CARMIL1: variants seen among roughly 807,000 people sequenced by gnomAD.
CARMIL1 encodes the protein F-actin-uncapping protein LRRC16A.
Under a neutral mutation model 177.1 loss-of-function variants are expected in CARMIL1, and 90 were observed. The ratio of observed to expected loss-of-function variants is 0.51; its 90% CI spans 0.43 to 0.61. The LOEUF (loss-of-function observed/expected upper bound fraction) is 0.61, where lower values mean the gene tolerates loss of function less well. CARMIL1 is among the 20% of genes least tolerant of loss of function. The pLI, the probability that CARMIL1 is intolerant of heterozygous loss-of-function variation, is 0.00. For missense variants in CARMIL1, 1,380 were observed against 1,667.0 expected (o/e 0.83, Z 3.00); for synonymous variants, 577 against 606.2 (o/e 0.95, Z 0.71).
chr6:25,345,618 T>A (rs1787426694), intron 2 of CARMIL1, among the ~76,000 whole-genome samples: 1 of 152,144 alleles, frequency 6.6e-6, no homozygotes, highest in Admixed American at 6.5e-5. Context: ...GTCATTCTTT[T>A]CTTTTATTTC....
chr6:25,546,233 A>T (rs1809451318), intron 26 of CARMIL1, among the ~76,000 whole-genome samples: 1 of 152,154 alleles, frequency 6.6e-6, no homozygotes, highest in Admixed American at 6.5e-5. Context: ...TTTATACTGA[A>T]GGTCTTAGCC....
chr6:25,384,945 T>C (rs1307633271), intron 2 of CARMIL1, among the ~76,000 whole-genome samples: 1 of 152,220 alleles, frequency 6.6e-6, no homozygotes, highest in Non-Finnish European at 1.5e-5. Context: ...CGCCCATCCA[T>C]TCATCTATCC....
chr6:25,539,492 G>A (rs770920743), intron 25 of CARMIL1, among the ~76,000 whole-genome samples: 3 of 151,938 alleles, frequency 2.0e-5, no homozygotes, highest in Non-Finnish European at 4.4e-5. Context: ...GGGCATGGTG[G>A]TATGTGCCTG....
chr6:25,471,452 C>T (rs776907628), intron 10 of CARMIL1, among the ~76,000 whole-genome samples, 195 bp downstream of exon 10: 9 of 151,768 alleles, frequency 5.9e-5, no homozygotes, highest in African/African-American at 1.5e-4. Context: ...CTCTTGATAA[C>T]GGTGTCACTT....
intron 11 of CARMIL1, among the ~76,000 whole-genome samples, chr6:25,474,041 G>A (rs1801303714): frequency 6.6e-6 from 1 of 151,888 alleles, no homozygotes; most frequent in Admixed American, 6.6e-5. Context: ...TTCATTTTCT[G>A]TTGCAAATGT....
intron 24 of CARMIL1, among the ~76,000 whole-genome samples, chr6:25,533,429 T>C (rs553088409): frequency 3.3e-5 from 5 of 152,230 alleles, no homozygotes; most frequent in Non-Finnish European, 7.3e-5. Flanking sequence ...ATCTGTTTAT[T>C]GGGGATGATG....
At chr6:25,342,171 C>T (rs1026344416) in intron 2 of CARMIL1, among the ~76,000 whole-genome samples, 5 of 152,128 alleles carry the variant, frequency 3.3e-5, no homozygotes, top group African/African-American at 7.2e-5. Context: ...GGGGGTGATT[C>T]GATCATTAAG....
chr6:25,339,417 A>G (rs1038822982), intron 2 of CARMIL1, among the ~76,000 whole-genome samples: 9 of 152,196 alleles, frequency 5.9e-5, no homozygotes, highest in Non-Finnish European at 1.0e-4. Context: ...AATGTAGCAC[A>G]GGGGAAGGAC....
At chr6:25,436,865 C>A (rs1412791590) in intron 5 of CARMIL1, among the ~76,000 whole-genome samples, 1 of 152,140 alleles carries the variant, frequency 6.6e-6, no homozygotes, top group East Asian at 1.9e-4. Flanking sequence ...TGAGCTGGGG[C>A]TGCCCTCTGA....
intron 35 of CARMIL1, among the ~76,000 whole-genome samples, chr6:25,607,282 T>G (rs1582512599): frequency 6.6e-6 from 1 of 152,082 alleles, no homozygotes; most frequent in Admixed American, 6.5e-5. Flanking sequence ...GGATAGGTAA[T>G]ATATGAAAGT....
chr6:25,311,537 G>T (rs1479804088), intron 2 of CARMIL1, among the ~76,000 whole-genome samples: 1 of 142,640 alleles, frequency 7.0e-6, no homozygotes, highest in Non-Finnish European at 1.5e-5. Flanking sequence ...AGGATATATA[G>T]AGCGGGGGAA....
Position 25,326,613 on chromosome 6 carries a change from A to T in CARMIL1, c.138+41704A>T, listed in dbSNP as rs531913239. Reference sequence around the variant, plus strand: ...TTCAAGTCTTATTATGGACTTGCTGATTCAGAACCTGGAGGTGGGACTCAG... The same window carrying T: ...TTCAAGTCTTATTATGGACTTGCTGTTTCAGAACCTGGAGGTGGGACTCAG... On this transcript the variant is annotated intron_variant, in intron 2 of 36. Transcript: ENST00000329474. This position sits in a 1 kb window ranked among gnomAD's most constrained non-coding sequence, Gnocchi z 4.2. Among the ~76,000 whole-genome samples the T allele has an allele frequency of 1.3e-5, 2 of 152,256 alleles. No individual in the cohort carries two copies. The highest frequency in any genetic ancestry group is 2.1e-4 in the South Asian group (1 of 4,818).
At chr6:25,611,717 A>C (rs936117112) in intron 36 of CARMIL1, among the ~76,000 whole-genome samples, 16 of 152,212 alleles carry the variant, frequency 1.1e-4, no homozygotes, top group African/African-American at 3.9e-4. Flanking sequence ...TGAATACAAA[A>C]ATCATTGTTT....
intron 2 of CARMIL1, among the ~76,000 whole-genome samples, chr6:25,362,693 A>AACAAT (rs1789347789): frequency 6.6e-6 from 1 of 151,964 alleles, no homozygotes; most frequent in Non-Finnish European, 1.5e-5. Flanking sequence ...AACAAAACAA[A>AACAAT]AAAACCACTA....
chr6:25,279,527 C>G lies in CARMIL1; in HGVS notation c.-269C>G. 1 of 542,916 alleles carries G rather than the reference C, an allele frequency of 1.8e-6. No homozygotes were observed. The highest frequency in any genetic ancestry group is 3.3e-6 in the Non-Finnish European group (1 of 301,412). 33.6% of individuals were successfully genotyped at this position (542,916 alleles called of 1,614,324 possible). ...CCCGCGCCCCGCGCCCGCTTGTAAT[C>G]CGGTCCGCTCCTTATTCAGCCGCCG... On this transcript the variant is annotated 5_prime_UTR_variant, in exon 1 of 37. The change creates a new upstream start codon in the 5' untranslated region. Transcript: ENST00000329474.
intron 23 of CARMIL1, among the ~76,000 whole-genome samples, chr6:25,526,566 C>A (rs1255226313): frequency 8.2e-6 from 1 of 122,492 alleles, no homozygotes; most frequent in Non-Finnish European, 1.7e-5. Flanking sequence ...TTTTTTTTTT[C>A]TTCTGAGACA....
intron 17 of CARMIL1, among the ~76,000 whole-genome samples, chr6:25,504,096 C>T (rs1804689162): frequency 6.6e-6 from 1 of 152,250 alleles, no homozygotes; most frequent in African/African-American, 2.4e-5. Flanking sequence ...TAATATAAAA[C>T]ATCTACTATA....
intron 2 of CARMIL1, among the ~76,000 whole-genome samples, chr6:25,310,343 G>A (rs1783694060): frequency 6.6e-6 from 1 of 152,218 alleles, no homozygotes; most frequent in Admixed American, 6.5e-5. Context: ...TATCCAAGCT[G>A]CGGCTTGAGA....
chr6:25,472,607 C>T lies in CARMIL1; in HGVS notation c.874+86C>T, dbSNP rs542734547. ...TTTAGCCATGCCTGAAGAGCTGTAT[C>T]AAGCTAAGTTGTAATTATAAGTGCT... On this transcript the variant is annotated intron_variant, in intron 11 of 36. Transcript: ENST00000329474. 4 of 1,092,742 alleles carry T rather than the reference C, an allele frequency of 3.7e-6. No homozygotes were observed. In the Admixed American group the frequency reaches 8.6e-5, roughly 23 times the overall value. The allele number at this position is 1,092,742 out of a possible 1,614,324, so 67.7% of individuals were successfully genotyped here.
Sources: gnomAD v4.1 joint callset for allele counts (sites outside exome capture counted in the v4.1 genomes callset) on GRCh38, gnomAD v4.1.1 for gene constraint, Gnocchi (gnomAD v3.1) non-coding constraint, MANE v1.5 for transcripts, NCBI Gene and HGNC (gene_info 2026-07-23, HGNC 2026-07-21) for gene names.